Variants in SHROOM2 observed in about 807,000 individuals in gnomAD.
SHROOM2 encodes the protein shroom family member 2, also known as protein Shroom2.
Under a neutral mutation model 75.9 loss-of-function variants are expected in SHROOM2, and 33 were observed. That is an observed-to-expected ratio of 0.43 (90% CI 0.33 to 0.58). The LOEUF is 0.58. SHROOM2 is among the 20% of genes least tolerant of loss of function. The pLI is 0.04. For missense variants in SHROOM2, 1,434 were observed against 1,461.2 expected (o/e 0.98, Z 0.30); for synonymous variants, 655 against 663.6 (o/e 0.99, Z 0.20).
chrX:9,838,754 C>A (rs6638968), intron 1 of SHROOM2, among the ~76,000 whole-genome samples: 58,935 of 110,245 alleles, frequency 0.53, 12,422 homozygotes, highest in Non-Finnish European at 0.68. Flanking sequence ...GGCATGGGAG[C>A]GCCACCAAGG....
At chrX:9,815,291 A>G (rs1235260678) in intron 1 of SHROOM2, among the ~76,000 whole-genome samples, 1 of 110,721 alleles carries the variant, frequency 9.0e-6, no homozygotes, top group African/African-American at 3.3e-5. Context: ...GAGTCTAATC[A>G]TATTAAGCAG....
At chrX:9,933,227 GTGAT>G (rs1413346037) in intron 6 of SHROOM2, among the ~76,000 whole-genome samples, 4 of 110,834 alleles carry the variant, frequency 3.6e-5, no homozygotes, top group Non-Finnish European at 7.5e-5. Context: ...GTCAATATTT[GTGAT>G]TGGAATCGAG....
At chrX:9,903,529 T>A (rs758311557) in intron 5 of SHROOM2, among the ~76,000 whole-genome samples, 2 of 111,408 alleles carry the variant, frequency 1.8e-5, no homozygotes, top group East Asian at 5.7e-4. Flanking sequence ...TCTAGCGGAC[T>A]TCCCTTTATG....
intron 9 of SHROOM2, among the ~76,000 whole-genome samples, chrX:9,945,465 G>A (rs2084810258): frequency 1.8e-5 from 2 of 111,471 alleles, no homozygotes; most frequent in Non-Finnish European, 3.8e-5. Flanking sequence ...GAGTTGAACC[G>A]TCATTGGACT....
intron 2 of SHROOM2, among the ~76,000 whole-genome samples, chrX:9,882,178 CTT>C (rs386416608): frequency 4.2e-5 from 3 of 71,031 alleles, no homozygotes; most frequent in African/African-American, 1.1e-4. Flanking sequence ...TCCCTTGTTG[CTT>C]TTTTTTTTTT....
Position 9,896,357 on chromosome X carries a change from G to A in SHROOM2, c.2449G>A (p.Ala817Thr). The change falls in exon 4 of 10, where the codon GCT (alanine) becomes ACT (threonine). Residue 817 changes from alanine (A) to threonine (T), a missense_variant. Coordinates refer to ENST00000380913, the MANE Select transcript of SHROOM2 (RefSeq NM_001649.4). ...PVPQRPAQKQ[A>T]LHGIPRDKPE... ...TCCCCAGAGGCCTGCCCAGAAGCAA[G>A]CTCTTCACGGAATCCCGAGAGACAA... 8.2e-7 allele frequency: 1 copy of A among 1,212,405 alleles called. No individual in the cohort carries two copies. Among genetic ancestry groups the A allele is most frequent in the Non-Finnish European group, 1.1e-6 (1 of 895,666 alleles).
intron 5 of SHROOM2, among the ~76,000 whole-genome samples, chrX:9,901,862 G>A (rs1459833742): frequency 1.8e-5 from 2 of 111,586 alleles, no homozygotes; most frequent in African/African-American, 3.3e-5. Flanking sequence ...TCAGTACCCC[G>A]TACCTGACAT....
In SHROOM2 at chrX:9,862,298, A is replaced by G. The variant is rs764796071; in HGVS notation, c.166-11354A>G. Among the ~76,000 whole-genome samples, 4 of 111,096 alleles carry G rather than the reference A, an allele frequency of 3.6e-5. No individual in the cohort carries two copies. The South Asian group carries it at 1.5e-3, about 43-fold the overall frequency. ...TGGCCACTCCCTCCAGGGCTGGGGC[A>G]CAGAGTACCTGAGGAAGGAATAAAT... is the stretch of plus-strand genomic sequence containing the variant. On this transcript the variant is annotated intron_variant, in intron 1 of 9. Coordinates refer to ENST00000380913, the MANE Select transcript of SHROOM2 (RefSeq NM_001649.4).
At chrX:9,806,567 C>CTTT (rs748143721) in intron 1 of SHROOM2, among the ~76,000 whole-genome samples, 1 of 83,936 alleles carries the variant, frequency 1.2e-5, no homozygotes, top group African/African-American at 4.8e-5. Flanking sequence ...AACTTTAATC[C>CTTT]TTTTTTTTTT....
chrX:9,809,472 T>C (rs1017747054), intron 1 of SHROOM2, among the ~76,000 whole-genome samples: 2 of 111,613 alleles, frequency 1.8e-5, no homozygotes, highest in African/African-American at 6.5e-5. Context: ...TTCAATCCAA[T>C]CAAGTTGACA....
At chrX:9,890,920 G>T in intron 2 of SHROOM2, 57 bp from the exon 3 acceptor site, 3 of 1,130,794 alleles carry the variant, frequency 2.7e-6, no homozygotes, top group Non-Finnish European at 3.5e-6. Context: ...TGTTTGGCAC[G>T]AGAGTGAGCG....
At chrX:9,873,420 TTGTG>T (rs1245195327) in intron 1 of SHROOM2, among the ~76,000 whole-genome samples, 1 of 111,997 alleles carries the variant, frequency 8.9e-6, no homozygotes, top group African/African-American at 3.2e-5. Context: ...CTGTTTTCCA[TTGTG>T]TGTGTTCTCA....
intron 1 of SHROOM2, among the ~76,000 whole-genome samples, chrX:9,855,292 T>A (rs1211717206): frequency 0.012 from 95 of 8,092 alleles, no homozygotes; most frequent in African/African-American, 0.048. Flanking sequence ...ACTTAAAGTA[T>A]AGTAAAAAAA....
At chrX:9,851,620 C>A (rs918721362) in intron 1 of SHROOM2, among the ~76,000 whole-genome samples, 6 of 105,097 alleles carry the variant, frequency 5.7e-5, no homozygotes, top group Non-Finnish European at 9.7e-5. Flanking sequence ...CCACACCTGA[C>A]AAATTTTTGT....
chrX:9,898,966 G>A (rs1418434856), intron 5 of SHROOM2, among the ~76,000 whole-genome samples: 1 of 110,906 alleles, frequency 9.0e-6, no homozygotes, highest in East Asian at 2.8e-4. Flanking sequence ...AATCTGTGCT[G>A]GGTGTGGTGG....
intron 2 of SHROOM2, among the ~76,000 whole-genome samples, chrX:9,890,521 G>A (rs1341550306): frequency 8.8e-6 from 1 of 114,027 alleles, no homozygotes; most frequent in Non-Finnish European, 1.9e-5. Context: ...CCGTGCACCT[G>A]CCTGAGTTGC....
intron 1 of SHROOM2, among the ~76,000 whole-genome samples, chrX:9,820,189 T>G (rs1386657743): frequency 3.2e-5 from 3 of 94,557 alleles, no homozygotes; most frequent in Admixed American, 1.2e-4. Context: ...TTTTTTTTTG[T>G]AAATATGAAG....
intron 1 of SHROOM2, among the ~76,000 whole-genome samples, chrX:9,797,602 A>G (rs966041582): frequency 8.9e-6 from 1 of 112,427 alleles, no homozygotes; most frequent in African/African-American, 3.2e-5. Context: ...CTTATTATAT[A>G]AAATGAGACC....
chrX:9,888,176 C>T (rs2084271233), intron 2 of SHROOM2, among the ~76,000 whole-genome samples: 1 of 112,816 alleles, frequency 8.9e-6, no homozygotes, highest in Non-Finnish European at 1.9e-5. Flanking sequence ...TTCCGCGGGG[C>T]TGGCTTGAGC....
Sources: allele counts gnomAD v4.1 joint callset (sites outside exome capture counted in the v4.1 genomes callset), GRCh38; gene constraint gnomAD v4.1.1; transcripts MANE v1.5; gene names NCBI Gene and HGNC (gene_info 2026-07-23, HGNC 2026-07-21).